GPATCH2L: variants seen among roughly 807,000 people sequenced by gnomAD.
GPATCH2L encodes G patch domain-containing protein 2-like.
In GPATCH2L, 31 loss-of-function variants were observed where a neutral mutation model predicts 57.4. That is an observed-to-expected ratio of 0.54 (90% confidence interval 0.41 to 0.73). GPATCH2L has a LOEUF of 0.73. Among genes scored for constraint, GPATCH2L ranks in the 30% least tolerant of loss-of-function variants. The pLI is 0.00. For missense variants in GPATCH2L, 481 were observed against 599.9 expected, an observed-to-expected ratio of 0.80 and a Z score of 2.07; for synonymous variants, 199 against 210.7, an observed-to-expected ratio of 0.94 and a Z score of 0.48.
intron 7 of GPATCH2L, chr14:76,178,301 G>A (rs749865461): frequency 8.0e-6 from 11 of 1,382,034 alleles, no homozygotes; most frequent in Non-Finnish European, 1.1e-5. Flanking sequence ...CTATGTTGAA[G>A]CCTAAACGTA....
At chr14:76,184,969 C>T (rs1193175898) in intron 8 of GPATCH2L, among the ~76,000 whole-genome samples, 1 of 152,190 alleles carries the variant, frequency 6.6e-6, no homozygotes, top group Non-Finnish European at 1.5e-5. Context: ...AGGGTCTCCC[C>T]TTTCATAATT....
At chr14:76,196,392 A>G in intron 9 of GPATCH2L, 1 of 288,168 alleles carries the variant, frequency 3.5e-6, no homozygotes, top group Non-Finnish European at 6.4e-6. Context: ...TTTACTGGTC[A>G]TGACATTCCT....
At chr14:76,171,260 CA>C (rs1323370784) in intron 3 of GPATCH2L, among the ~76,000 whole-genome samples, 1 of 149,696 alleles carries the variant, frequency 6.7e-6, no homozygotes, top group Non-Finnish European at 1.5e-5. Flanking sequence ...TAAGGAGACC[CA>C]GTTTCTACAG....
chr14:76,178,206 A>T, intron 7 of GPATCH2L, 164 bp downstream of exon 7: 1 of 1,475,866 alleles, frequency 6.8e-7, no homozygotes, highest in Non-Finnish European at 9.1e-7. Context: ...TTTTTATTTT[A>T]GTTTTGAACT....
rs2040331566 is a variant in GPATCH2L, at chr14:76,202,795, G to A, written c.*944G>A. 6.6e-6 allele frequency: 1 copy of A among 152,532 alleles called. No individual in the cohort carries two copies. Among genetic ancestry groups the A allele is most frequent in the Non-Finnish European group, 1.5e-5 (1 of 68,044 alleles). 9.4% of individuals were successfully genotyped at this position (152,532 alleles called of 1,614,324 possible). On this transcript the variant is annotated 3_prime_UTR_variant, in exon 10 of 10. Coordinates refer to ENST00000261530, the MANE Select transcript of GPATCH2L (RefSeq NM_017926.4). ...GTCTTTTTGACATGCCTTTATACTT[G>A]GCGTGTTTATGATGGCTCAGCTGCA...
rs1442071712 is a variant in GPATCH2L at position 76,155,035 on chromosome 14, C to G, written c.662+10C>G. The G allele has an allele frequency of 5.0e-6, 8 of 1,594,430 alleles. No individual in the cohort carries two copies. Among genetic ancestry groups the G allele is most frequent in the Non-Finnish European group, 6.8e-6 (8 of 1,170,892 alleles). On this transcript the variant is annotated intron_variant, in intron 2 of 9. Coordinates refer to ENST00000261530, the MANE Select transcript of GPATCH2L (RefSeq NM_017926.4). ...AGAACATGTCAGAATGGTGAGATCT[C>G]CCTTACTAAGTCAAAGATTTTCCTG... is the stretch of plus-strand genomic sequence containing the variant.
chr14:76,176,705 A>G lies in GPATCH2L; in HGVS notation c.1052+15A>G, dbSNP rs2039344122. 6.4e-7 allele frequency: 1 copy of G among 1,556,964 alleles called. No homozygotes were observed. Among genetic ancestry groups the G allele is most frequent in the Non-Finnish European group, 8.9e-7 (1 of 1,127,914 alleles). On this transcript the variant is annotated intron_variant, in intron 6 of 9. Coordinates refer to ENST00000261530, the MANE Select transcript of GPATCH2L (RefSeq NM_017926.4). ...CGGCAGAAAGAGTAAGTGCTTATGT[A>G]TTTACTGGCTGTGCTAGTCTGCTCC... is the stretch of plus-strand genomic sequence containing the variant.
At position 76,229,999 on chromosome 14, in the gene GPATCH2L, C is replaced by T. The variant is rs1394120228; in HGVS notation, c.*117+46C>T. The T allele has an allele frequency of 2.2e-4, 34 of 152,194 alleles. 1 individual carries two copies. The highest frequency in any genetic ancestry group is 2.2e-3 in the Admixed American group (34 of 15,288). 9.4% of individuals were successfully genotyped at this position (152,194 alleles called of 1,614,324 possible). On this transcript the variant is annotated intron_variant and NMD_transcript_variant, in intron 2 of 3. Transcript: ENST00000556372. ...ATGTATGAGAGTTATAGTCTATTGC[C>T]TATAGCAATATCATTCTCAATATAA...
intron 1 of GPATCH2L, among the ~76,000 whole-genome samples, chr14:76,228,637 G>A (rs923034044): frequency 6.6e-6 from 1 of 152,094 alleles, no homozygotes; most frequent in East Asian, 1.9e-4. Context: ...AGACTGTTTC[G>A]TTGCTATAAA....
chr14:76,200,416 AG>A (rs762349053), intron 9 of GPATCH2L, among the ~76,000 whole-genome samples: 2 of 152,130 alleles, frequency 1.3e-5, no homozygotes, highest in Non-Finnish European at 2.9e-5. Context: ...ATGTAGGTAC[AG>A]TTTTTTGAAA....
At chr14:76,181,485 T>A (rs2039558740) in intron 8 of GPATCH2L, among the ~76,000 whole-genome samples, 1 of 152,232 alleles carries the variant, frequency 6.6e-6, no homozygotes, top group Admixed American at 6.5e-5. Flanking sequence ...TGGATTTGCT[T>A]ATTAGTTTAT....
In GPATCH2L at chr14:76,208,798, C is replaced by T. The variant is rs1290181642; in HGVS notation, c.*6947C>T. ...CTGAGTACCACTAAGGTATACTGCCCTTATCTGCACTCTGTCCATTCTGCA... is the reference window on the plus strand; with the variant it reads ...CTGAGTACCACTAAGGTATACTGCCTTTATCTGCACTCTGTCCATTCTGCA... On this transcript the variant is annotated 3_prime_UTR_variant, in exon 10 of 10. Coordinates refer to ENST00000261530, the MANE Select transcript of GPATCH2L (RefSeq NM_017926.4). 1 of 152,170 alleles carries T rather than the reference C, an allele frequency of 6.6e-6. No homozygotes were observed. Among genetic ancestry groups the T allele is most frequent in the Non-Finnish European group, 1.5e-5 (1 of 68,044 alleles). 9.4% of individuals were successfully genotyped at this position (152,170 alleles called of 1,614,324 possible).
At chr14:76,178,401 G>A (rs146087412) in intron 7 of GPATCH2L, 2 of 434,704 alleles carry the variant, frequency 4.6e-6, no homozygotes, top group Non-Finnish European at 7.4e-6. Flanking sequence ...AACCATTTTT[G>A]TAGAAGACAG....
intron 1 of GPATCH2L, among the ~76,000 whole-genome samples, chr14:76,220,228 C>T (rs1224902941): frequency 1.3e-5 from 2 of 152,106 alleles, no homozygotes; most frequent in African/African-American, 4.8e-5. Context: ...GGCTGCCTAA[C>T]ACATGGGTAA....
chr14:76,184,052 G>A (rs1456429738), intron 8 of GPATCH2L, among the ~76,000 whole-genome samples: 1 of 151,988 alleles, frequency 6.6e-6, no homozygotes, highest in African/African-American at 2.4e-5. Flanking sequence ...GTGTGTGTGT[G>A]TGTGTGTGTG....
At chr14:76,177,233 A>G (rs2039368352) in intron 6 of GPATCH2L, among the ~76,000 whole-genome samples, 1 of 152,020 alleles carries the variant, frequency 6.6e-6, no homozygotes, top group African/African-American at 2.4e-5. Context: ...TTTTGTAGAG[A>G]CAGAGTTTAG....
chr14:76,183,295 A>G (rs1232246254), intron 8 of GPATCH2L, among the ~76,000 whole-genome samples: 1 of 152,202 alleles, frequency 6.6e-6, no homozygotes, highest in African/African-American at 2.4e-5. Flanking sequence ...AATATTGCTT[A>G]TTGTTTTAGA....
rs577076068 is a variant in GPATCH2L, at chr14:76,162,128, T to TTA, written c.663-4535_663-4534insTA. 4.1e-4 allele frequency among the ~76,000 whole-genome samples: 24 copies of TTA among 58,878 alleles called. No homozygotes were observed. The East Asian group carries it at 0.013, about 31-fold the overall frequency. The allele number at this position is 58,878 out of a possible 152,430, so 38.6% of individuals were successfully genotyped here. ...AGTGACTTAGCTGGATGGTTCTGGTTCAGTCTTCTCACGAGGTTATAGTCT... is the reference window on the plus strand; with the variant it reads ...AGTGACTTAGCTGGATGGTTCTGGTTTACAGTCTTCTCACGAGGTTATAGTCT... On this transcript the variant is annotated intron_variant, in intron 2 of 9. Transcript: ENST00000261530.
At position 76,212,698 on chromosome 14, in the gene GPATCH2L, CA is replaced by C. The variant is rs1380566110; in HGVS notation, c.*10848del. Reference sequence around the variant, plus strand: ...AGTGGTAACTACACTTCAAAGTATCCATGAAACATTTCCCCATTTGACTGTG... The same window carrying C: ...AGTGGTAACTACACTTCAAAGTATCCTGAAACATTTCCCCATTTGACTGTG... On this transcript the variant is annotated 3_prime_UTR_variant, in exon 10 of 10. Transcript: ENST00000261530. 3 of 151,952 alleles carry C rather than the reference CA, an allele frequency of 2.0e-5. No individual in the cohort carries two copies. In the East Asian group the frequency reaches 5.8e-4, roughly 29 times the overall value. 9.4% of individuals were successfully genotyped at this position (151,952 alleles called of 1,614,324 possible).
Sources: allele counts gnomAD v4.1 joint callset (sites outside exome capture counted in the v4.1 genomes callset), GRCh38; gene constraint gnomAD v4.1.1; transcripts MANE v1.5; gene names NCBI Gene and HGNC (gene_info 2026-07-23, HGNC 2026-07-21).